CAP2: variants seen among roughly 807,000 people sequenced by gnomAD.
CAP2 encodes cyclase associated actin cytoskeleton regulatory protein 2.
CAP2 carries 24 observed loss-of-function variants against 57.7 expected under a neutral mutation model. That is an observed-to-expected ratio of 0.42 (90% CI 0.30 to 0.58). CAP2 has a LOEUF of 0.58. Ranked by LOEUF, CAP2 falls within the 20% of genes least tolerant of loss-of-function variation. The pLI, the probability that CAP2 is intolerant of heterozygous loss-of-function variation, is 0.22. For missense variants in CAP2, 501 were observed against 590.3 expected, an observed-to-expected ratio of 0.85 and a Z score of 1.57; for synonymous variants, 194 against 207.2, an observed-to-expected ratio of 0.94 and a Z score of 0.55.
At chr6:17,526,755 C>T (rs879816534) in intron 7 of CAP2, among the ~76,000 whole-genome samples, 3 of 151,436 alleles carry the variant, frequency 2.0e-5, no homozygotes, top group Admixed American at 1.3e-4. Context: ...GTCAGGAGTT[C>T]GAGACCAGCC....
intron 8 of CAP2, among the ~76,000 whole-genome samples, chr6:17,540,058 G>A (rs1183189029): frequency 6.6e-6 from 1 of 152,134 alleles, no homozygotes; most frequent in Non-Finnish European, 1.5e-5. Flanking sequence ...CTCCAGCCTG[G>A]GTGACAGAGT....
intron 3 of CAP2, among the ~76,000 whole-genome samples, chr6:17,431,593 G>A (rs1015780589): frequency 3.3e-5 from 5 of 152,106 alleles, no homozygotes; most frequent in African/African-American, 1.2e-4. Context: ...AAAATAGCTT[G>A]CTCACTTTGT....
intron 7 of CAP2, among the ~76,000 whole-genome samples, chr6:17,521,040 A>G (rs1762379542): frequency 6.6e-6 from 1 of 152,144 alleles, no homozygotes. Context: ...TTGGGCTTCT[A>G]GGTCCCTTCT....
intron 1 of CAP2, among the ~76,000 whole-genome samples, chr6:17,406,504 C>T (rs1271840721): frequency 6.6e-6 from 1 of 151,502 alleles, no homozygotes. Context: ...AGCAATTCTC[C>T]TGCCTCAGCC....
chr6:17,503,655 C>A (rs1334241145), intron 4 of CAP2, among the ~76,000 whole-genome samples: 1 of 151,636 alleles, frequency 6.6e-6, no homozygotes, highest in African/African-American at 2.4e-5. Flanking sequence ...TGAAGCCCAC[C>A]CTAATGACCT....
At position 17,542,942 on chromosome 6, in the gene CAP2, G is replaced by C; in HGVS notation, c.1108G>C (p.Val370Leu). 1 of 1,613,834 alleles carries C rather than the reference G, an allele frequency of 6.2e-7. No homozygotes were observed. The highest frequency in any genetic ancestry group is 8.5e-7 in the Non-Finnish European group (1 of 1,179,722). ...EKSTIQIKGK[V>L]NSIIIDNCKK... ...ATCAACTATTCAGATAAAAGGGAAA[G>C]TAAACTCCATTATAATTGGTAGGGC... is the stretch of plus-strand genomic sequence containing the variant. The change falls in exon 10 of 13, where the codon GTA (valine) becomes CTA (leucine). Residue 370 changes from valine to leucine, a missense_variant. By Grantham distance (32) the Val-to-Leu change is conservative (BLOSUM62 1). Transcript: ENST00000229922.
chr6:17,472,661 C>CGGCTACT (rs879448083), intron 4 of CAP2, among the ~76,000 whole-genome samples: 21 of 152,100 alleles, frequency 1.4e-4, no homozygotes, highest in African/African-American at 4.1e-4. Flanking sequence ...TAGCATGTGA[C>CGGCTACT]GGCTACTGCC....
intron 3 of CAP2, among the ~76,000 whole-genome samples, chr6:17,443,052 A>G (rs569067826): frequency 1.3e-5 from 2 of 152,188 alleles, no homozygotes; most frequent in South Asian, 4.2e-4. Flanking sequence ...AACTCTTGAG[A>G]GTAACCAGCA....
chr6:17,524,887 T>G (rs1762467747), intron 7 of CAP2, among the ~76,000 whole-genome samples: 1 of 75,740 alleles, frequency 1.3e-5, no homozygotes, highest in South Asian at 5.1e-4. Flanking sequence ...TCTTTTCTTT[T>G]CTTTTCTTTT....
chr6:17,448,430 T>C (rs1303851688), intron 3 of CAP2, among the ~76,000 whole-genome samples: 2 of 152,248 alleles, frequency 1.3e-5, no homozygotes, highest in African/African-American at 4.8e-5. Flanking sequence ...GAAAATGCAG[T>C]TTATTCAGGA....
chr6:17,399,960 G>A (rs1223146893), intron 1 of CAP2, among the ~76,000 whole-genome samples: 1 of 152,062 alleles, frequency 6.6e-6, no homozygotes, highest in African/African-American at 2.4e-5. Context: ...GGTGGCTCAC[G>A]CCTCTAATCC....
rs1581517393 is a variant in CAP2 at position 17,436,979 on chromosome 6, T to G, written c.222+10289T>G. Among the ~76,000 whole-genome samples, 17 of 152,300 alleles carry G rather than the reference T, an allele frequency of 1.1e-4. 1 individual carries two copies. In the South Asian group the frequency reaches 3.5e-3, roughly 32 times the overall value. ...CTGCGCATTCGAGGGATCTAGGTTT[T>G]GTGCTCCTTATGAGAATCTAATGCC... On this transcript the variant is annotated intron_variant, in intron 3 of 12. Transcript: ENST00000229922.
In CAP2 at chr6:17,406,412, T is replaced by TTTTTTTTTTTTTTTTTC. The variant is rs1197104013; in HGVS notation, c.-2+12667_-2+12668insTTTTTTTTTTTTTTTCT. On this transcript the variant is annotated intron_variant, in intron 1 of 12. Coordinates refer to ENST00000229922, the MANE Select transcript of CAP2 (RefSeq NM_006366.3). ...AGCCCAGATTTCTTTTTTTTTTTTTTTGAGGCAGTCTCACTCTGTCGCCCA... is the reference window on the plus strand; with the variant it reads ...AGCCCAGATTTCTTTTTTTTTTTTTTTTTTTTTTTTTTTTTTCTGAGGCAGTCTCACTCTGTCGCCCA... Among the ~76,000 whole-genome samples the TTTTTTTTTTTTTTTTTC allele has an allele frequency of 1.8e-4, 25 of 135,260 alleles. 3 individuals carry two copies. Among genetic ancestry groups the TTTTTTTTTTTTTTTTTC allele is most frequent in the African/African-American group, 8.9e-4 (24 of 27,016 alleles). 88.7% of individuals were successfully genotyped at this position (135,260 alleles called of 152,430 possible).
chr6:17,394,162 G>C (rs114730685), intron 1 of CAP2, among the ~76,000 whole-genome samples: 2,947 of 150,112 alleles, frequency 0.02, 35 homozygotes, highest in Middle Eastern at 0.055. Context: ...GAGTCTTCCA[G>C]GGGGGTGGGG....
intron 1 of CAP2, among the ~76,000 whole-genome samples, chr6:17,398,471 G>A (rs1356478732): frequency 6.6e-6 from 1 of 151,826 alleles, no homozygotes; most frequent in African/African-American, 2.4e-5. Context: ...ACCATTATGA[G>A]GAATTTTAAA....
At chr6:17,480,055 C>T (rs1220710553) in intron 4 of CAP2, among the ~76,000 whole-genome samples, 3 of 152,018 alleles carry the variant, frequency 2.0e-5, no homozygotes, top group Admixed American at 6.6e-5. Context: ...TCAAAGCTTC[C>T]GCTCCTCCAG....
Position 17,437,650 on chromosome 6 carries a change from G to A in CAP2, c.222+10960G>A, listed in dbSNP as rs150962194. Reference sequence around the variant, plus strand: ...TCTCAGCACTTTGGGAGGCTGAGGCGGGAGGATCATGAGGTCAAAAGATCA... The same window carrying A: ...TCTCAGCACTTTGGGAGGCTGAGGCAGGAGGATCATGAGGTCAAAAGATCA... On this transcript the variant is annotated intron_variant, in intron 3 of 12. Coordinates refer to ENST00000229922, the MANE Select transcript of CAP2 (RefSeq NM_006366.3). 2.0e-3 allele frequency among the ~76,000 whole-genome samples: 305 copies of A among 152,036 alleles called. 2 individuals carry two copies. The highest frequency in any genetic ancestry group is 6.1e-3 in the African/African-American group (251 of 41,440).
At chr6:17,430,255 G>A (rs1421666328) in intron 3 of CAP2, among the ~76,000 whole-genome samples, 1 of 152,126 alleles carries the variant, frequency 6.6e-6, no homozygotes, top group Non-Finnish European at 1.5e-5. Context: ...GAGCATAACA[G>A]GTTTAGAAAA....
At chr6:17,448,005 T>A (rs773605787) in intron 3 of CAP2, among the ~76,000 whole-genome samples, 18 of 152,244 alleles carry the variant, frequency 1.2e-4, no homozygotes, top group Non-Finnish European at 2.5e-4. Context: ...TGAGCTTCTG[T>A]TGTAACAAAG....
Sources: gnomAD v4.1 joint callset for allele counts (sites outside exome capture counted in the v4.1 genomes callset) on GRCh38, gnomAD v4.1.1 for gene constraint, MANE v1.5 for transcripts, NCBI Gene and HGNC (gene_info 2026-07-23, HGNC 2026-07-21) for gene names.